ACSL5: variants seen among roughly 807,000 people sequenced by gnomAD.
ACSL5 encodes acyl-CoA synthetase long chain family member 5, also known as long-chain-fatty-acid--CoA ligase 5.
Under a neutral mutation model 84.9 loss-of-function variants are expected in ACSL5, and 50 were observed. The ratio of observed to expected loss-of-function variants is 0.59; its 90% CI spans 0.47 to 0.75. The LOEUF is 0.75. Among genes scored for constraint, ACSL5 ranks in the 30% least tolerant of loss-of-function variants. The pLI is 0.00. For synonymous variants in ACSL5, 280 were observed against 300.7 expected, an observed-to-expected ratio of 0.93 and a Z score of 0.71; for missense variants, 775 against 830.4, an observed-to-expected ratio of 0.93 and a Z score of 0.82.
chr10:112,396,017 A>G (rs1241155039), intron 2 of ACSL5: 2 of 152,250 alleles, frequency 1.3e-5, no homozygotes, highest in Non-Finnish European at 2.9e-5. Context: ...CTTTGAGAGT[A>G]GTTTGCTTAT....
intron 14 of ACSL5, among the ~76,000 whole-genome samples, chr10:112,420,902 A>G (rs1359289117): frequency 6.6e-6 from 1 of 151,872 alleles, no homozygotes; most frequent in Admixed American, 6.6e-5. Flanking sequence ...TTGTATTTTT[A>G]GTAGAGATGG....
At chr10:112,424,533 G>A (rs1230447607) in intron 17 of ACSL5, 2 of 152,188 alleles carry the variant, frequency 1.3e-5, no homozygotes, top group Non-Finnish European at 2.9e-5. Context: ...TAGGATGTAA[G>A]CAACAGATAT....
intron 7 of ACSL5, 93 bp downstream of exon 7, chr10:112,409,778 TC>T: frequency 7.7e-7 from 1 of 1,296,512 alleles, no homozygotes; most frequent in Non-Finnish European, 1.1e-6. Flanking sequence ...GTGTTCTTGT[TC>T]TCCAGGGGTG....
chr10:112,397,960 A>G (rs984218168), intron 2 of ACSL5, among the ~76,000 whole-genome samples: 5 of 151,868 alleles, frequency 3.3e-5, no homozygotes, highest in Non-Finnish European at 7.4e-5. Context: ...TCTCCTCCAT[A>G]TATATACACA....
At chr10:112,386,343 G>A (rs768635773) in intron 1 of ACSL5, among the ~76,000 whole-genome samples, 3 of 151,642 alleles carry the variant, frequency 2.0e-5, no homozygotes, top group African/African-American at 4.8e-5. Context: ...ATAAGCGCAC[G>A]CCACCATGCC....
intron 3 of ACSL5, 34 bp from the exon 4 acceptor site, chr10:112,404,477 T>C: frequency 6.4e-7 from 1 of 1,556,070 alleles, no homozygotes; most frequent in South Asian, 1.1e-5. Context: ...AATTTGCAAC[T>C]GGAGTTGATT....
Position 112,376,397 on chromosome 10 carries a change from C to T in ACSL5, c.-30+2128C>T, listed in dbSNP as rs1250319285. ...CTCGTGTGGCAGGAAGAACTCAGAG[C>T]CGGGAAGCCCCCATTCACTAGAAGC... On this transcript the variant is annotated intron_variant, in intron 1 of 20. Coordinates refer to ENST00000354655, the MANE Select transcript of ACSL5 (RefSeq NM_203379.2). 2.9e-5 allele frequency: 47 copies of T among 1,613,976 alleles called. No homozygotes were observed. In the Admixed American group the frequency reaches 7.8e-4, roughly 27 times the overall value.
At chr10:112,401,759 C>T (rs1564736268) in intron 3 of ACSL5, among the ~76,000 whole-genome samples, 2 of 151,772 alleles carry the variant, frequency 1.3e-5, no homozygotes. Flanking sequence ...CTCTCTCTCT[C>T]CTTTCTTTCT....
At chr10:112,386,339 G>A (rs547627291) in intron 1 of ACSL5, among the ~76,000 whole-genome samples, 9 of 151,468 alleles carry the variant, frequency 5.9e-5, no homozygotes, top group African/African-American at 2.2e-4. Flanking sequence ...GATTATAAGC[G>A]CACGCCACCA....
At chr10:112,416,466 G>C (rs1426035033) in intron 12 of ACSL5, among the ~76,000 whole-genome samples, 1 of 89,158 alleles carries the variant, frequency 1.1e-5, no homozygotes, top group Admixed American at 1.6e-4. Flanking sequence ...GCGAGACTCT[G>C]TCTCAAAAAA....
rs571725078 is a variant in ACSL5, at chr10:112,412,370, G to A, written c.948+391G>A. 481 of 191,414 alleles carry A rather than the reference G, an allele frequency of 2.5e-3. 1 individual carries two copies. Among genetic ancestry groups the A allele is most frequent in the Non-Finnish European group, 4.1e-3 (380 of 92,288 alleles). 11.9% of individuals were successfully genotyped at this position (191,414 alleles called of 1,614,324 possible). A position where few individuals can be genotyped will look rare whatever the true frequency, so the allele number is the denominator to read the frequency against. On this transcript the variant is annotated intron_variant, in intron 11 of 20. Coordinates refer to ENST00000354655, the MANE Select transcript of ACSL5 (RefSeq NM_203379.2). Reference sequence around the variant, plus strand: ...TAGAGAAAAGGAAGTTCCCTACAGAGGATCAGGGAAGGAGCATTTGATCTA... The same window carrying A: ...TAGAGAAAAGGAAGTTCCCTACAGAAGATCAGGGAAGGAGCATTTGATCTA...
chr10:112,418,641 C>CT (rs1379624010), intron 14 of ACSL5: 1 of 151,340 alleles, frequency 6.6e-6, no homozygotes, highest in Non-Finnish European at 1.5e-5. Context: ...TAGTAGACTA[C>CT]TATTGACTAG....
At chr10:112,389,472 T>G (rs1243823128) in intron 1 of ACSL5, among the ~76,000 whole-genome samples, 1 of 152,200 alleles carries the variant, frequency 6.6e-6, no homozygotes, top group Non-Finnish European at 1.5e-5. Flanking sequence ...GTACTGGGGC[T>G]TGTTCAGCTA....
At chr10:112,404,655 T>A (rs1178455737) in intron 4 of ACSL5, 50 bp from the exon 5 acceptor site, 7 of 1,601,652 alleles carry the variant, frequency 4.4e-6, no homozygotes, top group Non-Finnish European at 6.0e-6. Context: ...GGTCAGTTTT[T>A]GGTCTTGACC....
At position 112,422,416 on chromosome 10, in the gene ACSL5, C is replaced by T; in HGVS notation, c.1568C>T (p.Thr523Ile). The T allele has an allele frequency of 6.2e-7, 1 of 1,614,132 alleles. No individual in the cohort carries two copies. Among genetic ancestry groups the T allele is most frequent in the Non-Finnish European group, 8.5e-7 (1 of 1,180,004 alleles). Reference sequence around the variant, plus strand: ...CTGGACAGTGATGGCTGGCTTCACACAGGAGACATTGGTCGCTGGCTCCCG... The same window carrying T: ...CTGGACAGTGATGGCTGGCTTCACATAGGAGACATTGGTCGCTGGCTCCCG... ...EALDSDGWLH[T>I]GDIGRWLPNG... Residue 523 changes from threonine to isoleucine, a missense_variant, in exon 17 of 21, where the codon ACA becomes ATA. Physicochemically the swap from Thr to Ile is moderately conservative, Grantham distance 89. Transcript: ENST00000354655.
chr10:112,402,333 T>G (rs1413974965), intron 3 of ACSL5, among the ~76,000 whole-genome samples: 1 of 152,216 alleles, frequency 6.6e-6, no homozygotes, highest in Non-Finnish European at 1.5e-5. Flanking sequence ...CCAAGCTGTC[T>G]CAGTCCTTCA....
Position 112,422,440 on chromosome 10 carries a change from C to T in ACSL5, c.1592C>T (p.Pro531Leu), listed in dbSNP as rs375823791. The T allele has an allele frequency of 3.4e-5, 55 of 1,613,228 alleles. No individual in the cohort carries two copies. Among genetic ancestry groups the T allele is most frequent in the African/African-American group, 1.3e-4 (10 of 74,866 alleles). Residue 531 changes from proline (P) to leucine (L), a missense_variant and splice_region_variant, in exon 17 of 21, where the codon CCG (proline) becomes CTG (leucine). Transcript: ENST00000354655. Reference protein sequence around the residue: ...LHTGDIGRWLPNGTLKIIDRK... With the variant: ...LHTGDIGRWLLNGTLKIIDRK... ...ACAGGAGACATTGGTCGCTGGCTCC[C>T]GGTAGGTATATCATCAGAACTCCTG...
chr10:112,381,828 G>A (rs1016771636), intron 1 of ACSL5, among the ~76,000 whole-genome samples: 5 of 151,962 alleles, frequency 3.3e-5, no homozygotes, highest in Non-Finnish European at 5.9e-5. Flanking sequence ...TTAGCTGGGC[G>A]TGGTGGCACG....
chr10:112,412,856 C>T (rs898915787), intron 11 of ACSL5, among the ~76,000 whole-genome samples: 18 of 151,374 alleles, frequency 1.2e-4, no homozygotes, highest in Non-Finnish European at 2.7e-4. Flanking sequence ...GGATGATTAT[C>T]TTAGACTGTC....
Sources: gnomAD v4.1 joint callset for allele counts (sites outside exome capture counted in the v4.1 genomes callset) on GRCh38, gnomAD v4.1.1 for gene constraint, MANE v1.5 for transcripts, NCBI Gene and HGNC (gene_info 2026-07-23, HGNC 2026-07-21) for gene names.